Variants in CALN1 observed in about 807,000 individuals in gnomAD.
The protein encoded by CALN1 is calneuron 1.
In CALN1, 17 loss-of-function variants were observed where a neutral mutation model predicts 30.6. That is an observed-to-expected ratio of 0.56 (90% CI 0.38 to 0.83). The LOEUF is 0.83. CALN1 is among the 40% of genes least tolerant of loss of function. The pLI is 0.00. For synonymous variants in CALN1, 156 were observed against 131.4 expected, an observed-to-expected ratio of 1.19 and a Z score of -1.28; for missense variants, 291 against 354.9, an observed-to-expected ratio of 0.82 and a Z score of 1.45.
chr7:71,983,053 C>G (rs1270939471), intron 5 of CALN1, among the ~76,000 whole-genome samples: 1 of 152,164 alleles, frequency 6.6e-6, no homozygotes, highest in Non-Finnish European at 1.5e-5. Flanking sequence ...AACATCACAC[C>G]TGGTCCAACC....
At chr7:72,057,740 A>G (rs1358303441) in intron 4 of CALN1, among the ~76,000 whole-genome samples, 1 of 152,034 alleles carries the variant, frequency 6.6e-6, no homozygotes, top group Non-Finnish European at 1.5e-5. Context: ...ACCTCTTCAT[A>G]ATAAAATTAG....
intron 4 of CALN1, among the ~76,000 whole-genome samples, chr7:72,095,697 C>A (rs189053094): frequency 2.0e-5 from 3 of 152,134 alleles, no homozygotes. Flanking sequence ...AGGGTATCTC[C>A]AACTTCAATG....
intron 3 of CALN1, among the ~76,000 whole-genome samples, chr7:72,189,514 T>C (rs1055565539): frequency 3.9e-5 from 6 of 152,156 alleles, no homozygotes; most frequent in Non-Finnish European, 7.4e-5. Context: ...CCCAGCCCTT[T>C]GGGAGGCCAA....
intron 3 of CALN1, among the ~76,000 whole-genome samples, chr7:72,207,900 T>C (rs1024600691): frequency 6.6e-6 from 1 of 152,238 alleles, no homozygotes; most frequent in Admixed American, 6.5e-5. Flanking sequence ...TACAAATTTA[T>C]CTATGGTATT....
intron 4 of CALN1, among the ~76,000 whole-genome samples, chr7:72,062,520 A>AAG (rs1803729660): frequency 6.7e-6 from 1 of 148,444 alleles, no homozygotes; most frequent in Non-Finnish European, 1.5e-5. Context: ...TCAAAAAAAA[A>AAG]AAAAAAAAAA....
intron 3 of CALN1, among the ~76,000 whole-genome samples, chr7:72,228,739 ATATTTATTTATTTATTTATT>A (rs112888645): frequency 2.1e-4 from 32 of 149,364 alleles, no homozygotes; most frequent in African/African-American, 7.6e-4. Flanking sequence ...CCTTATTTAT[ATATTTATTTATTTATTTATT>A]TATTTATTTA....
chr7:71,984,992 A>G (rs1798588679), intron 5 of CALN1, among the ~76,000 whole-genome samples: 1 of 152,198 alleles, frequency 6.6e-6, no homozygotes, highest in Admixed American at 6.5e-5. Context: ...GGAGCCGTCC[A>G]GGCAGACTGT....
intron 3 of CALN1, among the ~76,000 whole-genome samples, chr7:72,248,972 T>C (rs1046461743): frequency 6.6e-6 from 1 of 152,198 alleles, no homozygotes; most frequent in African/African-American, 2.4e-5. Flanking sequence ...AAAAGAAGTA[T>C]TTTTAATCAA....
intron 5 of CALN1, among the ~76,000 whole-genome samples, chr7:71,995,860 G>A (rs921160758): frequency 4.6e-5 from 7 of 151,960 alleles, no homozygotes; most frequent in African/African-American, 7.2e-5. Context: ...CCACAAGTGC[G>A]TGGCCTGGGG....
At chr7:72,043,278 A>T (rs1474405940) in intron 4 of CALN1, among the ~76,000 whole-genome samples, 1 of 152,194 alleles carries the variant, frequency 6.6e-6, no homozygotes, top group East Asian at 1.9e-4. Flanking sequence ...TCAAAGTAAA[A>T]CAAAGGTCTG....
At chr7:72,392,964 A>C (rs1365825263) in intron 2 of CALN1, among the ~76,000 whole-genome samples, 1 of 151,756 alleles carries the variant, frequency 6.6e-6, no homozygotes, top group African/African-American at 2.4e-5. Context: ...TCACCACTAC[A>C]CTCCACCTGG....
intron 3 of CALN1, among the ~76,000 whole-genome samples, chr7:72,226,409 G>C (rs1315912321): frequency 1.3e-5 from 2 of 151,786 alleles, no homozygotes; most frequent in African/African-American, 4.8e-5. Flanking sequence ...GCCCATAGGA[G>C]TCCTTGCTCT....
chr7:71,874,100 T>A (rs1364506806), intron 5 of CALN1, among the ~76,000 whole-genome samples: 1 of 151,650 alleles, frequency 6.6e-6, no homozygotes, highest in Non-Finnish European at 1.5e-5. Context: ...CATGGTGACA[T>A]CCCATCTCTA....
At position 72,103,694 on chromosome 7, in the gene CALN1, A is replaced by C. The variant is rs1387738240; in HGVS notation, c.388+2457T>G. On this transcript the variant is annotated intron_variant, in intron 4 of 6. Transcript: ENST00000395275. ...AAGAAGGGCGTGGACTAGACAGGGG[A>C]CTGCCACTGTCACTGGAGAATAAGC... 2.0e-5 allele frequency among the ~76,000 whole-genome samples: 3 copies of C among 152,102 alleles called. No individual in the cohort carries two copies. The East Asian group carries it at 5.8e-4, about 29-fold the overall frequency.
intron 3 of CALN1, among the ~76,000 whole-genome samples, chr7:72,248,554 T>C (rs61288133): frequency 0.19 from 28,674 of 152,032 alleles, 3,745 homozygotes; most frequent in East Asian, 0.43. Context: ...CATCATCATA[T>C]GGCTTTCTGA....
At chr7:72,235,706 A>C (rs1185692586) in intron 3 of CALN1, among the ~76,000 whole-genome samples, 1 of 139,338 alleles carries the variant, frequency 7.2e-6, no homozygotes, top group African/African-American at 2.7e-5. Context: ...ACTCCATGAC[A>C]TCTCTCCCTC....
intron 4 of CALN1, among the ~76,000 whole-genome samples, chr7:72,027,090 A>G (rs937945396): frequency 6.6e-6 from 1 of 152,196 alleles, no homozygotes; most frequent in African/African-American, 2.4e-5. Context: ...ACATTAGCCA[A>G]TGTTAGATAT....
chr7:72,172,922 A>G (rs1174400964), intron 3 of CALN1, among the ~76,000 whole-genome samples: 1 of 152,138 alleles, frequency 6.6e-6, no homozygotes, highest in Admixed American at 6.5e-5. Context: ...TACCACTTCT[A>G]TTTACCACTG....
At chr7:72,103,647 A>C (rs1424655896) in intron 4 of CALN1, among the ~76,000 whole-genome samples, 1 of 152,148 alleles carries the variant, frequency 6.6e-6, no homozygotes, top group East Asian at 1.9e-4. Context: ...AGGATTCTTC[A>C]ATCCAAAAAC....
Sources: gnomAD v4.1 joint callset for allele counts (sites outside exome capture counted in the v4.1 genomes callset) on GRCh38, gnomAD v4.1.1 for gene constraint, MANE v1.5 for transcripts, NCBI Gene and HGNC (gene_info 2026-07-23, HGNC 2026-07-21) for gene names.